The following DGLUCY variants were observed in gnomAD, a reference collection of about 807,000 sequenced individuals.
DGLUCY encodes the protein D-glutamate cyclase, mitochondrial.
A neutral mutation model predicts 58.5 loss-of-function variants in DGLUCY; 58 were observed. That is an observed-to-expected ratio of 0.99 (90% CI 0.80 to 1.23). The LOEUF (loss-of-function observed/expected upper bound fraction) is 1.23, where lower values mean the gene tolerates loss of function less well. Ranked by LOEUF, DGLUCY falls within the 50% of genes most tolerant of loss-of-function variation. The probability of loss-of-function intolerance (pLI) is 0.00; values close to 1 mark genes in which losing one functional copy is unlikely to be tolerated. For synonymous variants in DGLUCY, 325 were observed against 314.1 expected (o/e 1.03, Z -0.37); for missense variants, 779 against 784.7 (o/e 0.99, Z 0.09).
At chr14:91,100,067 A>G (rs2044460837) in intron 1 of DGLUCY, among the ~76,000 whole-genome samples, 1 of 148,334 alleles carries the variant, frequency 6.7e-6, no homozygotes, top group South Asian at 2.1e-4. Flanking sequence ...AAAAAAAAAA[A>G]AAAAAAAAGA....
At chr14:91,223,400 A>G (rs975947706) in intron 13 of DGLUCY, among the ~76,000 whole-genome samples, 2 of 152,216 alleles carry the variant, frequency 1.3e-5, no homozygotes, top group Admixed American at 1.3e-4. Context: ...GTCCTATTCT[A>G]GATTCCTTAG....
chr14:91,095,143 A>C (rs577724604), intron 1 of DGLUCY, among the ~76,000 whole-genome samples: 2 of 151,602 alleles, frequency 1.3e-5, no homozygotes, highest in African/African-American at 4.8e-5. Context: ...CCATGTGCCC[A>C]CTTGCTTTTC....
In DGLUCY at chr14:91,173,290, C is replaced by A. The variant is rs2048675497; in HGVS notation, c.458C>A (p.Thr153Lys). 12 of 1,601,418 alleles carry A rather than the reference C, an allele frequency of 7.5e-6. No homozygotes were observed. The South Asian group carries it at 1.3e-4, about 18-fold the overall frequency. The change falls in exon 6 of 14, where the codon ACA (threonine) becomes AAA (lysine). Residue 153 changes from threonine to lysine, a missense_variant and splice_region_variant. Thr to Lys is a moderately conservative substitution (Grantham distance 78, BLOSUM62 -1). Transcript: ENST00000256324. ...AGHSQAGAYK[T>K]TVPCVTHAGF... ...TGATTTTTTTTTTTTTTTGGTCAGA[C>A]AACAGTGCCTTGTGTTACCCATGCT... is the stretch of plus-strand genomic sequence containing the variant.
At chr14:91,169,828 A>G (rs1328542158) in intron 4 of DGLUCY, among the ~76,000 whole-genome samples, 175 bp from the exon 5 acceptor site, 2 of 152,030 alleles carry the variant, frequency 1.3e-5, no homozygotes, top group East Asian at 1.9e-4. Context: ...ATCTGGGGAC[A>G]TTTGAAGGAT....
At position 91,169,407 on chromosome 14, in the gene DGLUCY, CT is replaced by C. The variant is rs869086228; in HGVS notation, c.258-581del. On this transcript the variant is annotated intron_variant, in intron 4 of 13. Coordinates refer to ENST00000256324, the MANE Select transcript of DGLUCY (RefSeq NM_001102368.3). ...GCCACCATTTACTTTTCTTCTTCTT[CT>C]TTTTTTTTTTTTTTCTTTGAGGCAG... Among the ~76,000 whole-genome samples, 654 of 140,374 alleles carry C rather than the reference CT, an allele frequency of 4.7e-3. 4 individuals carry two copies. Among genetic ancestry groups the C allele is most frequent in the Middle Eastern group, 0.011 (3 of 272 alleles). 92.1% of individuals were successfully genotyped at this position (140,374 alleles called of 152,430 possible).
At chr14:91,102,786 T>TGTGTGTGTGTGTGTGTG (rs59480792) in intron 1 of DGLUCY, among the ~76,000 whole-genome samples, 25 of 149,902 alleles carry the variant, frequency 1.7e-4, no homozygotes, top group East Asian at 3.9e-4. Flanking sequence ...TGTGTGTGTG[T>TGTGTGTGTGTGTGTGTG]TTGAGACTGA....
At chr14:91,175,212 C>T (rs1193918590) in intron 6 of DGLUCY, among the ~76,000 whole-genome samples, 1 of 151,874 alleles carries the variant, frequency 6.6e-6, no homozygotes, top group East Asian at 1.9e-4. Context: ...TCCATTGATC[C>T]CCAGCGTATT....
chr14:91,066,807 G>C (rs1188738179), intron 1 of DGLUCY, among the ~76,000 whole-genome samples: 1 of 152,020 alleles, frequency 6.6e-6, no homozygotes, highest in Non-Finnish European at 1.5e-5. Context: ...TCGGCCGGGC[G>C]CGGTGGCTCA....
chr14:91,146,728 A>G (rs1022286328), intron 1 of DGLUCY, among the ~76,000 whole-genome samples: 61 of 152,312 alleles, frequency 4.0e-4, no homozygotes, highest in African/African-American at 1.4e-3. Flanking sequence ...AAGGGGGCCC[A>G]TGAGAGCAAT....
At chr14:91,077,712 G>A (rs1457615143) in intron 1 of DGLUCY, among the ~76,000 whole-genome samples, 2 of 149,022 alleles carry the variant, frequency 1.3e-5, no homozygotes, top group African/African-American at 4.9e-5. Context: ...AGATCTTGCC[G>A]CTGCTCTCCA....
At chr14:91,117,646 T>TACACACACACAC (rs765720920) in intron 1 of DGLUCY, among the ~76,000 whole-genome samples, 2 of 149,446 alleles carry the variant, frequency 1.3e-5, no homozygotes, top group African/African-American at 4.9e-5. Flanking sequence ...TTTGTTCACA[T>TACACACACACAC]ACACACACAC....
At position 91,165,253 on chromosome 14, in the gene DGLUCY, A is replaced by AT. The variant is rs1295229343; in HGVS notation, c.104-1970dup. 1.1e-5 allele frequency: 5 copies of AT among 456,240 alleles called. No homozygotes were observed. The Admixed American group carries it at 1.2e-4, about 11-fold the overall frequency. 28.3% of individuals were successfully genotyped at this position (456,240 alleles called of 1,614,324 possible). ...ATTTTAAACATCTACACAGGATTTC[A>AT]TTGAACAGTAACTTTAGTCCCTGCT... On this transcript the variant is annotated intron_variant, in intron 3 of 13. Coordinates refer to ENST00000256324, the MANE Select transcript of DGLUCY (RefSeq NM_001102368.3).
chr14:91,070,546 G>A (rs1009547061), intron 1 of DGLUCY, among the ~76,000 whole-genome samples: 1 of 152,230 alleles, frequency 6.6e-6, no homozygotes, highest in Admixed American at 6.5e-5. Context: ...ACTCAAAGGT[G>A]AGGTTCAGAA....
At chr14:91,123,507 A>G (rs2045507308) in intron 1 of DGLUCY, among the ~76,000 whole-genome samples, 1 of 151,720 alleles carries the variant, frequency 6.6e-6, no homozygotes, top group African/African-American at 2.4e-5. Context: ...AATGAACTGT[A>G]TGCTTCCAGA....
At position 91,196,474 on chromosome 14, in the gene DGLUCY, G is replaced by A. The variant is rs1340182423; in HGVS notation, c.1295G>A (p.Arg432Lys). 7 of 1,613,270 alleles carry A rather than the reference G, an allele frequency of 4.3e-6. No homozygotes were observed. The highest frequency in any genetic ancestry group is 1.7e-5 in the Admixed American group (1 of 59,958). ...LCKNGDPQTPRFDHLVAIERA... is the reference protein window; with the variant it reads ...LCKNGDPQTPKFDHLVAIERA... ...AAAAATGGGGACCCGCAGACACCTA[G>A]GTACGTATGTCGCATCCCAGTTTAA... Residue 432 changes from arginine (R) to lysine (K), a missense_variant and splice_region_variant, in exon 10 of 14, where the codon AGA (arginine) becomes AAA (lysine). Arg to Lys is a conservative substitution (Grantham distance 26, BLOSUM62 2). Coordinates refer to ENST00000256324, the MANE Select transcript of DGLUCY (RefSeq NM_001102368.3).
chr14:91,060,689 G>C, exon 1 of DGLUCY: 1 of 372,650 alleles, frequency 2.7e-6, no homozygotes, highest in East Asian at 4.1e-5. Context: ...AGGCCGCTCC[G>C]CCCACAGCCA....
intron 1 of DGLUCY, among the ~76,000 whole-genome samples, chr14:91,155,027 G>A (rs1431589991): frequency 6.6e-6 from 1 of 152,102 alleles, no homozygotes; most frequent in African/African-American, 2.4e-5. Context: ...TCCCTCCCCA[G>A]CCTGCTTCTA....
intron 1 of DGLUCY, among the ~76,000 whole-genome samples, chr14:91,136,566 C>T (rs551231154): frequency 6.6e-6 from 1 of 151,818 alleles, no homozygotes; most frequent in South Asian, 2.1e-4. Flanking sequence ...AGCCTGTAAT[C>T]CCAGCCACTC....
intron 11 of DGLUCY, among the ~76,000 whole-genome samples, chr14:91,200,538 G>A (rs1035760657): frequency 6.6e-6 from 1 of 152,120 alleles, no homozygotes; most frequent in Non-Finnish European, 1.5e-5. Flanking sequence ...ATTATTTTGT[G>A]AAGCATGTTA....
Sources: allele counts gnomAD v4.1 joint callset (sites outside exome capture counted in the v4.1 genomes callset), GRCh38; gene constraint gnomAD v4.1.1; transcripts MANE v1.5; gene names NCBI Gene and HGNC (gene_info 2026-07-23, HGNC 2026-07-21).